The following PRKAG2 variants were observed in gnomAD, a reference collection of about 807,000 sequenced individuals.
PRKAG2 encodes protein kinase AMP-activated non-catalytic subunit gamma 2, also known as 5'-AMP-activated protein kinase subunit gamma-2.
PRKAG2 carries 26 observed loss-of-function variants against 69.6 expected under a neutral mutation model. That is an observed-to-expected ratio of 0.37 (90% confidence interval 0.27 to 0.52). PRKAG2 has a LOEUF of 0.52. Among genes scored for constraint, PRKAG2 ranks in the 20% least tolerant of loss-of-function variants. PRKAG2 has a pLI of 0.90. For missense variants in PRKAG2, 557 were observed against 740.0 expected, an observed-to-expected ratio of 0.75 and a Z score of 2.87; for synonymous variants, 293 against 285.0, an observed-to-expected ratio of 1.03 and a Z score of -0.28.
rs910006312 is a variant in PRKAG2 at position 151,583,933 on chromosome 7, T to C, written c.865-7481A>G. 6.6e-6 allele frequency among the ~76,000 whole-genome samples: 1 copy of C among 152,214 alleles called. No individual in the cohort carries two copies. Among genetic ancestry groups the C allele is most frequent in the Admixed American group, 6.5e-5 (1 of 15,286 alleles). On this transcript the variant is annotated intron_variant, in intron 6 of 15. Transcript: ENST00000287878. This position sits in a 1 kb window ranked among gnomAD's most constrained non-coding sequence, Gnocchi z 4.1. ...AGGAGAACATCTGTGTTCCCCAGAA[T>C]GGGAAGCTGGTTCCTCTGATGCCTC...
intron 5 of PRKAG2, among the ~76,000 whole-genome samples, chr7:151,599,073 A>G (rs1815355193): frequency 6.6e-6 from 1 of 152,028 alleles, no homozygotes; most frequent in Non-Finnish European, 1.5e-5. Context: ...GCTGGTCTTG[A>G]ACTCCTGACC....
At chr7:151,637,125 A>T (rs1037275229) in intron 4 of PRKAG2, among the ~76,000 whole-genome samples, 5 of 152,202 alleles carry the variant, frequency 3.3e-5, no homozygotes, top group African/African-American at 1.2e-4. Context: ...GTTTTGCAAG[A>T]TGTTACCACT....
At chr7:151,637,035 G>T (rs1039286736) in intron 4 of PRKAG2, among the ~76,000 whole-genome samples, 1 of 152,130 alleles carries the variant, frequency 6.6e-6, no homozygotes, top group African/African-American at 2.4e-5. Flanking sequence ...AGGACCTGCT[G>T]AACTGTTTTC....
chr7:151,689,170 C>G (rs1835238581), intron 3 of PRKAG2, among the ~76,000 whole-genome samples: 2 of 151,936 alleles, frequency 1.3e-5, no homozygotes, highest in Admixed American at 1.3e-4. Flanking sequence ...TTCTATAATT[C>G]AGCTCTTTGA....
At chr7:151,588,991 T>C (rs1161743279) in intron 6 of PRKAG2, among the ~76,000 whole-genome samples, 1 of 152,162 alleles carries the variant, frequency 6.6e-6, no homozygotes, top group Non-Finnish European at 1.5e-5. Flanking sequence ...CCCATCCCTC[T>C]AACTTGGCTT....
intron 4 of PRKAG2, among the ~76,000 whole-genome samples, chr7:151,659,896 T>C (rs776312968): frequency 6.6e-6 from 1 of 152,332 alleles, no homozygotes; most frequent in East Asian, 1.9e-4. Flanking sequence ...TCACGGCTCA[T>C]GCGAAATTAT....
intron 4 of PRKAG2, among the ~76,000 whole-genome samples, chr7:151,655,694 G>A (rs1829307375): frequency 6.6e-6 from 1 of 152,126 alleles, no homozygotes; most frequent in Admixed American, 6.5e-5. Flanking sequence ...TCTAAACACA[G>A]GGCCCTGTGT....
chr7:151,609,591 C>T (rs954688471), intron 5 of PRKAG2, among the ~76,000 whole-genome samples: 3 of 152,078 alleles, frequency 2.0e-5, no homozygotes, highest in Non-Finnish European at 2.9e-5. Flanking sequence ...TCAATCTGCC[C>T]GTCCCAGGTT....
At position 151,601,083 on chromosome 7, in the gene PRKAG2, C is replaced by T. The variant is rs79670063; in HGVS notation, c.755-5629G>A. 4.0e-3 allele frequency among the ~76,000 whole-genome samples: 607 copies of T among 152,252 alleles called. 6 individuals carry two copies. The highest frequency in any genetic ancestry group is 0.014 in the African/African-American group (575 of 41,552). ...TCACTCAACGGTGCGCTCATCTGAGCGCACCTGGGGAGGACCCCTGTGTCC... is the reference window on the plus strand; with the variant it reads ...TCACTCAACGGTGCGCTCATCTGAGTGCACCTGGGGAGGACCCCTGTGTCC... On this transcript the variant is annotated intron_variant, in intron 5 of 15. Transcript: ENST00000287878.
At chr7:151,655,676 G>A (rs545972925) in intron 4 of PRKAG2, among the ~76,000 whole-genome samples, 1 of 152,296 alleles carries the variant, frequency 6.6e-6, no homozygotes, top group South Asian at 2.1e-4. Context: ...AATCAAGGAT[G>A]GGACTCATCT....
intron 3 of PRKAG2, among the ~76,000 whole-genome samples, chr7:151,759,132 C>T (rs1359102601): frequency 1.3e-5 from 2 of 152,186 alleles, no homozygotes; most frequent in African/African-American, 4.8e-5. Flanking sequence ...AGCACCTGCT[C>T]CCTCCCTACT....
At position 151,632,576 on chromosome 7, in the gene PRKAG2, C is replaced by T; in HGVS notation, c.685-438G>A. The T allele has an allele frequency of 1.0e-6, 1 of 984,878 alleles. No homozygotes were observed. The highest frequency in any genetic ancestry group is 1.2e-6 in the Non-Finnish European group (1 of 829,694). The allele number at this position is 984,878 out of a possible 1,614,324, so 61.0% of individuals were successfully genotyped here. ...CGCCCCCCGGCGCCGCTCACCTTCC[C>T]AGCACCGGCGGCCGCGCTCGGCAGG... On this transcript the variant is annotated intron_variant, in intron 4 of 15. Transcript: ENST00000287878. This position sits in a 1 kb window ranked among gnomAD's most constrained non-coding sequence, Gnocchi z 4.2.
intron 4 of PRKAG2, chr7:151,633,241 G>A (rs1247660619): frequency 6.6e-6 from 1 of 152,168 alleles, no homozygotes; most frequent in African/African-American, 2.4e-5. Flanking sequence ...AAAAAGAAAA[G>A]GGGTGGGGAG....
At position 151,807,477 on chromosome 7, in the gene PRKAG2, C is replaced by A; in HGVS notation, c.115-20936G>T. On this transcript the variant is annotated intron_variant, in intron 1 of 15. Coordinates refer to ENST00000287878, the MANE Select transcript of PRKAG2 (RefSeq NM_016203.4). The surrounding 1 kb of genome is among the most constrained non-coding windows in gnomAD (Gnocchi z 4.4). ...GCCTCTTGGTGCCAAAGCACCATGG[C>A]GTGTTACACCTATCAGATCGGGCAC... The A allele has an allele frequency of 2.2e-6, 1 of 457,886 alleles. No homozygotes were observed. The highest frequency in any genetic ancestry group is 4.4e-6 in the Non-Finnish European group (1 of 226,988). 28.4% of individuals were successfully genotyped at this position (457,886 alleles called of 1,614,324 possible).
chr7:151,692,336 G>A (rs1835789666), intron 3 of PRKAG2, among the ~76,000 whole-genome samples: 1 of 152,150 alleles, frequency 6.6e-6, no homozygotes, highest in African/African-American at 2.4e-5. Flanking sequence ...CTAAGTGAAG[G>A]AAGCCAGGTC....
chr7:151,838,138 A>G (rs562246164), intron 1 of PRKAG2, among the ~76,000 whole-genome samples: 12 of 152,320 alleles, frequency 7.9e-5, no homozygotes, highest in African/African-American at 2.9e-4. Flanking sequence ...CTCTCCCTCC[A>G]CAGTGGTGCC....
chr7:151,811,094 C>G (rs1461965912), intron 1 of PRKAG2, among the ~76,000 whole-genome samples: 4 of 152,186 alleles, frequency 2.6e-5, no homozygotes, highest in African/African-American at 4.8e-5. Flanking sequence ...CCTGCAGAAC[C>G]CACAGCCCTC....
chr7:151,795,868 T>TACACACAC (rs2077489525), intron 1 of PRKAG2, among the ~76,000 whole-genome samples: 1 of 106,426 alleles, frequency 9.4e-6, no homozygotes, highest in African/African-American at 4.7e-5. Flanking sequence ...TATATATATA[T>TACACACAC]ATATATATAT....
intron 1 of PRKAG2, among the ~76,000 whole-genome samples, chr7:151,875,372 T>C (rs1320016184): frequency 1.3e-5 from 2 of 151,938 alleles, no homozygotes; most frequent in African/African-American, 4.8e-5. Flanking sequence ...AAAAGAAGGG[T>C]GGCTCAGCAA....
Sources: gnomAD v4.1 joint callset for allele counts (sites outside exome capture counted in the v4.1 genomes callset) on GRCh38, gnomAD v4.1.1 for gene constraint, Gnocchi (gnomAD v3.1) non-coding constraint, MANE v1.5 for transcripts, NCBI Gene and HGNC (gene_info 2026-07-23, HGNC 2026-07-21) for gene names.